Variants in AKAP9 observed in about 807,000 individuals in gnomAD.
AKAP9 encodes the protein A-kinase anchor protein 9.
Under a neutral mutation model 488.5 loss-of-function variants are expected in AKAP9, and 311 were observed. The ratio of observed to expected loss-of-function variants is 0.64; its 90% confidence interval spans 0.58 to 0.70. The LOEUF is 0.70. AKAP9 is among the 30% of genes least tolerant of loss of function. The pLI, the probability that AKAP9 is intolerant of heterozygous loss-of-function variation, is 0.00. For missense variants in AKAP9, 4,215 were observed against 4,374.5 expected (o/e 0.96, Z 1.03); for synonymous variants, 1,462 against 1,483.5 (o/e 0.99, Z 0.33).
At chr7:92,049,606 A>G (rs1041658882) in intron 21 of AKAP9, among the ~76,000 whole-genome samples, 2 of 151,978 alleles carry the variant, frequency 1.3e-5, no homozygotes, top group Non-Finnish European at 2.9e-5. Context: ...GTGAGACTCC[A>G]TCTCAAAAAA....
In AKAP9 at chr7:91,941,078, C is replaced by T. The variant is rs1274892585; in HGVS notation, c.-22C>T. The T allele has an allele frequency of 6.2e-7, 1 of 1,612,412 alleles. No individual in the cohort carries two copies. The highest frequency in any genetic ancestry group is 1.7e-5 in the Admixed American group (1 of 60,022). On this transcript the variant is annotated 5_prime_UTR_variant, in exon 1 of 50. Transcript: ENST00000356239. ...CAACCACCCCTCAACCCCTGTTTTC[C>T]CCTGCCTTCCTTGCAGAGGCCATGG...
At chr7:92,077,143 T>G (rs902217366) in intron 29 of AKAP9, 136 bp downstream of exon 29, 20 of 275,176 alleles carry the variant, frequency 7.3e-5, no homozygotes, top group Non-Finnish European at 8.8e-5. Context: ...TTGCCCAGGC[T>G]GGAGTGCAAT....
chr7:92,080,301 G>T, intron 31 of AKAP9, 149 bp downstream of exon 31: 3 of 773,638 alleles, frequency 3.9e-6, no homozygotes, highest in Non-Finnish European at 5.8e-6. Flanking sequence ...ATAAACTCTT[G>T]TTAAAAGAAA....
chr7:92,087,163 A>G (rs751295570), intron 37 of AKAP9, among the ~76,000 whole-genome samples: 1 of 152,238 alleles, frequency 6.6e-6, no homozygotes, highest in Non-Finnish European at 1.5e-5. Context: ...AAGCAACACA[A>G]CAATGGATTT....
chr7:92,017,296 C>T (rs941073548), intron 12 of AKAP9, among the ~76,000 whole-genome samples, 194 bp downstream of exon 12: 2 of 151,686 alleles, frequency 1.3e-5, no homozygotes, highest in African/African-American at 4.8e-5. Flanking sequence ...AATAATAACC[C>T]CTTTAGAGAG....
intron 7 of AKAP9, among the ~76,000 whole-genome samples, chr7:91,999,625 C>CATT (rs1165619728): frequency 6.6e-6 from 1 of 152,194 alleles, no homozygotes; most frequent in East Asian, 1.9e-4. Context: ...TGTTCAGGGG[C>CATT]ATTAGGCTGA....
In AKAP9 at chr7:92,058,255, A is replaced by C. The variant is rs373829891; in HGVS notation, c.5602-3005A>C. On this transcript the variant is annotated intron_variant, in intron 22 of 49. Coordinates refer to ENST00000356239, the MANE Select transcript of AKAP9 (RefSeq NM_005751.5). Reference sequence around the variant, plus strand: ...AAGATGAAGACATTTATGAGGTTGAATCTCGCGTGCCTTTACCACATCCTT... The same window carrying C: ...AAGATGAAGACATTTATGAGGTTGACTCTCGCGTGCCTTTACCACATCCTT... 1.3e-4 allele frequency: 74 copies of C among 588,342 alleles called. No individual in the cohort carries two copies. The African/African-American group carries it at 1.3e-3, about 10-fold the overall frequency. 36.4% of individuals were successfully genotyped at this position (588,342 alleles called of 1,614,324 possible).
chr7:92,104,999 TA>T (rs1818295765), intron 46 of AKAP9, among the ~76,000 whole-genome samples: 1 of 152,180 alleles, frequency 6.6e-6, no homozygotes, highest in Non-Finnish European at 1.5e-5. Flanking sequence ...TAGAAGTTGT[TA>T]TTGACATACT....
intron 28 of AKAP9, among the ~76,000 whole-genome samples, chr7:92,074,281 G>T (rs1812194373): frequency 6.6e-6 from 1 of 152,146 alleles, no homozygotes; most frequent in South Asian, 2.1e-4. Flanking sequence ...ATCATCACTG[G>T]TCATCAGAGA....
chr7:91,944,112 A>G lies in AKAP9; in HGVS notation c.48+2965A>G, dbSNP rs540582594. On this transcript the variant is annotated intron_variant, in intron 1 of 49. Transcript: ENST00000356239. The stretch of plus-strand genomic sequence containing the variant: ...TGTTTTATACTACCCCAAATCTGTA[A>G]TAATGGGTTAATAAATTATGATATG... Among the ~76,000 whole-genome samples, 6 of 152,318 alleles carry G rather than the reference A, an allele frequency of 3.9e-5. No homozygotes were observed. In the East Asian group the frequency reaches 1.2e-3, roughly 29 times the overall value.
chr7:92,083,805 T>C, intron 33 of AKAP9, 150 bp downstream of exon 33: 1 of 743,254 alleles, frequency 1.3e-6, no homozygotes, highest in African/African-American at 1.8e-5. Context: ...AAGGCAAGTT[T>C]TAAACTCCTA....
rs772391976 is a variant in AKAP9, at chr7:92,097,779, A to G, written c.10592A>G (p.Gln3531Arg). The change falls in exon 42 of 50, where the codon CAG (glutamine) becomes CGG (arginine). Residue 3531 changes from glutamine to arginine, a missense_variant. Physicochemically the swap from Gln to Arg is conservative, Grantham distance 43 (BLOSUM62 1). Transcript: ENST00000356239. ...CVASKLQVLP[Q>R]KASERLQFET... is the part of the protein sequence containing the mutation. ...GCTTCAAAACTACAGGTTCTACCCC[A>G]GAAAGCCTCTGAGAGGTTAGACTTT... is the stretch of plus-strand genomic sequence containing the variant. 1.2e-6 allele frequency: 2 copies of G among 1,614,240 alleles called. No homozygotes were observed. Among genetic ancestry groups the G allele is most frequent in the Non-Finnish European group, 1.7e-6 (2 of 1,180,028 alleles).
intron 1 of AKAP9, among the ~76,000 whole-genome samples, chr7:91,966,974 A>G (rs1562907851): frequency 6.6e-6 from 1 of 152,106 alleles, no homozygotes; most frequent in Admixed American, 6.5e-5. Flanking sequence ...TCCATTTTTA[A>G]TGTCCTGTTC....
In AKAP9 at chr7:92,034,758, C is replaced by G. The variant is rs529911356; in HGVS notation, c.4338+3154C>G. Among the ~76,000 whole-genome samples the G allele has an allele frequency of 1.7e-4, 26 of 151,774 alleles. No homozygotes were observed. In the South Asian group the frequency reaches 5.2e-3, roughly 30 times the overall value. On this transcript the variant is annotated intron_variant, in intron 16 of 49. Coordinates refer to ENST00000356239, the MANE Select transcript of AKAP9 (RefSeq NM_005751.5). ...AAGTGATCCACCCACCTCGGCCTCC[C>G]AAAGTACTGGGATTACAGGTGTTAG...
intron 22 of AKAP9, among the ~76,000 whole-genome samples, chr7:92,055,166 C>T (rs1415213284): frequency 2.6e-5 from 4 of 152,022 alleles, no homozygotes; most frequent in Non-Finnish European, 4.4e-5. Context: ...GAAATTTTTA[C>T]GGGCTTCCTA....
chr7:91,971,829 A>G (rs747301813), intron 1 of AKAP9, among the ~76,000 whole-genome samples: 1 of 151,580 alleles, frequency 6.6e-6, no homozygotes, highest in Non-Finnish European at 1.5e-5. Flanking sequence ...TCGGCTTCCC[A>G]AAGTGCTGGG....
At chr7:92,069,748 G>T (rs993518516) in intron 26 of AKAP9, among the ~76,000 whole-genome samples, 3 of 152,164 alleles carry the variant, frequency 2.0e-5, no homozygotes, top group Non-Finnish European at 4.4e-5. Context: ...GGGCTTGTTG[G>T]TGTGCATCTG....
intron 1 of AKAP9, among the ~76,000 whole-genome samples, chr7:91,950,391 G>A (rs569219891): frequency 6.6e-5 from 10 of 152,030 alleles, no homozygotes; most frequent in African/African-American, 1.7e-4. Flanking sequence ...TGCCAAGCCC[G>A]GCTAATTTTT....
chr7:91,968,463 A>G (rs1359117135), intron 1 of AKAP9, among the ~76,000 whole-genome samples: 1 of 151,434 alleles, frequency 6.6e-6, no homozygotes, highest in Non-Finnish European at 1.5e-5. Flanking sequence ...TTCATTTCTG[A>G]TTTTATTTGA....
Sources: allele counts gnomAD v4.1 joint callset (sites outside exome capture counted in the v4.1 genomes callset), GRCh38; gene constraint gnomAD v4.1.1; transcripts MANE v1.5; gene names NCBI Gene and HGNC (gene_info 2026-07-23, HGNC 2026-07-21).